Variants in EYS observed in about 807,000 individuals in gnomAD.
The protein encoded by EYS is protein eyes shut homolog.
In EYS, 250 loss-of-function variants were observed where a neutral mutation model predicts 282.1. The ratio of observed to expected loss-of-function variants is 0.89; its 90% CI spans 0.80 to 0.98. The LOEUF (loss-of-function observed/expected upper bound fraction) is 0.98, where lower values mean the gene tolerates loss of function less well. Among genes scored for constraint, EYS ranks in the 50% least tolerant of loss-of-function variants. The pLI is 0.00. For synonymous variants in EYS, 1,355 were observed against 1,282.9 expected (o/e 1.06, Z -1.20); for missense variants, 4,016 against 3,709.0 (o/e 1.08, Z -2.15).
chr6:64,126,726 T>C (rs1773798494), intron 31 of EYS, among the ~76,000 whole-genome samples: 1 of 152,102 alleles, frequency 6.6e-6, no homozygotes, highest in Non-Finnish European at 1.5e-5. Context: ...TCCTTGTCAA[T>C]GTCTGTATAT....
intron 13 of EYS, among the ~76,000 whole-genome samples, chr6:65,039,088 A>C (rs934634654): frequency 1.1e-4 from 17 of 151,444 alleles, no homozygotes; most frequent in African/African-American, 4.1e-4. Context: ...CTAATACAAA[A>C]ATTCCTACTC....
intron 12 of EYS, among the ~76,000 whole-genome samples, chr6:65,258,546 AG>A (rs1294828276): frequency 6.6e-6 from 1 of 152,066 alleles, no homozygotes; most frequent in Non-Finnish European, 1.5e-5. Flanking sequence ...GCTGTGGGGA[AG>A]GGGGAGAGCT....
intron 22 of EYS, among the ~76,000 whole-genome samples, chr6:64,746,689 C>T (rs1264247571): frequency 6.6e-6 from 1 of 152,150 alleles, no homozygotes; most frequent in Non-Finnish European, 1.5e-5. Flanking sequence ...GGCTCCACCA[C>T]AAGGTCTATT....
intron 5 of EYS, among the ~76,000 whole-genome samples, chr6:65,418,263 A>G (rs1767318041): frequency 6.6e-6 from 1 of 152,088 alleles, no homozygotes; most frequent in Non-Finnish European, 1.5e-5. Flanking sequence ...AAAATGATGT[A>G]AACAAAAAGT....
chr6:65,279,846 C>A (rs1768166723), intron 12 of EYS, among the ~76,000 whole-genome samples: 1 of 152,084 alleles, frequency 6.6e-6, no homozygotes, highest in Non-Finnish European at 1.5e-5. Context: ...CGTGTTCATT[C>A]TTTTCCCAAC....
At chr6:64,634,417 A>T (rs188085753) in intron 22 of EYS, among the ~76,000 whole-genome samples, 1 of 152,344 alleles carries the variant, frequency 6.6e-6, no homozygotes, top group Admixed American at 6.5e-5. Context: ...CCACTGATGA[A>T]CAAAGCAATT....
chr6:64,650,729 A>G (rs904068967), intron 22 of EYS, among the ~76,000 whole-genome samples: 6 of 152,074 alleles, frequency 3.9e-5, no homozygotes, highest in African/African-American at 1.4e-4. Context: ...AGAAATATGT[A>G]AATTCATGTT....
chr6:64,050,189 A>C (rs1770761043), intron 33 of EYS, among the ~76,000 whole-genome samples: 1 of 152,102 alleles, frequency 6.6e-6, no homozygotes, highest in Middle Eastern at 3.4e-3. Flanking sequence ...TCATTCTTCA[A>C]ATGACAGGCT....
intron 11 of EYS, among the ~76,000 whole-genome samples, chr6:65,313,799 C>G (rs1487357454): frequency 6.6e-6 from 1 of 152,134 alleles, no homozygotes; most frequent in Non-Finnish European, 1.5e-5. Context: ...AGTCTGTACT[C>G]AATGTAGCAG....
intron 5 of EYS, among the ~76,000 whole-genome samples, chr6:65,445,513 C>A (rs2150397556): frequency 6.6e-6 from 1 of 151,536 alleles, no homozygotes; most frequent in Admixed American, 6.6e-5. Context: ...ACTTGTAGCC[C>A]TTTTTGGATC....
intron 30 of EYS, among the ~76,000 whole-genome samples, chr6:64,239,161 C>T (rs892458308): frequency 6.6e-6 from 1 of 152,138 alleles, no homozygotes; most frequent in Non-Finnish European, 1.5e-5. Context: ...CATTGATGGG[C>T]ATTTGGGTTG....
At chr6:65,101,605 T>C (rs1302180935) in intron 12 of EYS, among the ~76,000 whole-genome samples, 1 of 151,338 alleles carries the variant, frequency 6.6e-6, no homozygotes, top group Non-Finnish European at 1.5e-5. Context: ...TTGACCTTTA[T>C]GTACTTACTT....
intron 26 of EYS, among the ~76,000 whole-genome samples, chr6:64,575,742 C>T (rs1263128502): frequency 3.3e-5 from 5 of 151,926 alleles, no homozygotes; most frequent in Non-Finnish European, 7.4e-5. Flanking sequence ...GGACAAGCAC[C>T]AAGTTTAGGT....
intron 10 of EYS, among the ~76,000 whole-genome samples, chr6:65,343,298 T>G (rs543656644): frequency 1.5e-4 from 23 of 151,368 alleles, no homozygotes; most frequent in Admixed American, 1.1e-3. Context: ...GTATACAATA[T>G]GCAGAATTAA....
chr6:64,338,919 T>C (rs1016245633), intron 29 of EYS, among the ~76,000 whole-genome samples: 3 of 151,954 alleles, frequency 2.0e-5, no homozygotes, highest in East Asian at 1.9e-4. Context: ...GCTGAGATAA[T>C]TGGCTAGCCA....
At chr6:63,921,945 ATAAAGT>A (rs955385792) in intron 35 of EYS, among the ~76,000 whole-genome samples, 6 of 152,196 alleles carry the variant, frequency 3.9e-5, no homozygotes, top group Non-Finnish European at 8.8e-5. Flanking sequence ...TCGTAAGGAG[ATAAAGT>A]TAAAAGGAGG....
intron 4 of EYS, chr6:65,491,365 A>T: frequency 3.2e-6 from 1 of 308,178 alleles, no homozygotes; most frequent in Non-Finnish European, 6.4e-6. Context: ...ACCTTAGTAG[A>T]GGAATGTGCC....
chr6:64,278,025 A>T (rs1768172230), intron 30 of EYS, among the ~76,000 whole-genome samples: 1 of 152,176 alleles, frequency 6.6e-6, no homozygotes, highest in African/African-American at 2.4e-5. Flanking sequence ...ATCTTTTAGA[A>T]ATCTTAAGAG....
chr6:63,793,315 G>A (rs1770563474), intron 37 of EYS, among the ~76,000 whole-genome samples: 1 of 152,138 alleles, frequency 6.6e-6, no homozygotes, highest in Non-Finnish European at 1.5e-5. Context: ...AGTAGCCAAA[G>A]GTCGAGAGTG....
Sources: allele counts gnomAD v4.1 joint callset (sites outside exome capture counted in the v4.1 genomes callset), GRCh38; gene constraint gnomAD v4.1.1; transcripts MANE v1.5; gene names NCBI Gene and HGNC (gene_info 2026-07-23, HGNC 2026-07-21).